CSMD1: variants seen among roughly 807,000 people sequenced by gnomAD.
CSMD1 encodes CUB and sushi domain-containing protein 1.
A neutral mutation model predicts 417.5 loss-of-function variants in CSMD1; 213 were observed. The observed-to-expected ratio is 0.51, with a 90% CI of 0.46 to 0.57. CSMD1 has a LOEUF of 0.57. Ranked by LOEUF, CSMD1 falls within the 20% of genes least tolerant of loss-of-function variation. The probability of loss-of-function intolerance (pLI) is 0.00; values close to 1 mark genes in which losing one functional copy is unlikely to be tolerated. For synonymous variants in CSMD1, 2,862 were observed against 1,736.8 expected (o/e 1.65, Z -16.11); for missense variants, 6,923 against 4,529.7 (o/e 1.53, Z -15.17).
At chr8:4,568,509 C>T (rs1414866024) in intron 2 of CSMD1, among the ~76,000 whole-genome samples, 1 of 152,068 alleles carries the variant, frequency 6.6e-6, no homozygotes, top group Admixed American at 6.6e-5. Context: ...TTTTCTTTAT[C>T]CAGTCTATCA....
At chr8:3,603,326 A>T (rs569201804) in intron 8 of CSMD1, among the ~76,000 whole-genome samples, 113 of 152,136 alleles carry the variant, frequency 7.4e-4, no homozygotes, top group African/African-American at 2.5e-3. Flanking sequence ...GTTCCTTAAA[A>T]TTTTTTTTAA....
chr8:3,745,311 T>C (rs1204421851), intron 6 of CSMD1, among the ~76,000 whole-genome samples: 1 of 152,182 alleles, frequency 6.6e-6, no homozygotes, highest in African/African-American at 2.4e-5. Flanking sequence ...TGGTCAGCTC[T>C]GCAAGAACCT....
intron 9 of CSMD1, among the ~76,000 whole-genome samples, chr8:3,576,625 T>C (rs1016057137): frequency 2.0e-5 from 3 of 152,172 alleles, no homozygotes; most frequent in Non-Finnish European, 4.4e-5. Context: ...AAAACAAACA[T>C]GGGTAAAACA....
intron 11 of CSMD1, among the ~76,000 whole-genome samples, chr8:3,476,936 G>C: frequency 7.2e-6 from 1 of 137,958 alleles, no homozygotes. Context: ...AAAAAAATGT[G>C]AATCAGTAAG....
chr8:3,104,317 T>C (rs1815971414), intron 46 of CSMD1, among the ~76,000 whole-genome samples: 1 of 152,208 alleles, frequency 6.6e-6, no homozygotes, highest in South Asian at 2.1e-4. Flanking sequence ...ACGTTGGCTT[T>C]CTTCTAAGAA....
chr8:3,606,399 C>T lies in CSMD1; in HGVS notation c.1097+10311G>A, dbSNP rs376213663. On this transcript the variant is annotated intron_variant, in intron 8 of 69. Coordinates refer to ENST00000635120, the MANE Select transcript of CSMD1 (RefSeq NM_033225.6). Reference sequence around the variant, plus strand: ...ATGTTACTGTACTGAGTACTGTAGGCAATTGAACACAATGGTAAGTGTTCG... The same window carrying T: ...ATGTTACTGTACTGAGTACTGTAGGTAATTGAACACAATGGTAAGTGTTCG... Among the ~76,000 whole-genome samples, 4 of 152,166 alleles carry T rather than the reference C, an allele frequency of 2.6e-5. No individual in the cohort carries two copies. The East Asian group carries it at 7.8e-4, about 29-fold the overall frequency.
At chr8:3,301,677 A>C (rs139614719) in intron 25 of CSMD1, among the ~76,000 whole-genome samples, 1 of 152,318 alleles carries the variant, frequency 6.6e-6, no homozygotes, top group African/African-American at 2.4e-5. Context: ...GAAAGTATCC[A>C]TGAGCAGCCA....
intron 3 of CSMD1, among the ~76,000 whole-genome samples, chr8:4,160,112 A>AC (rs11427922): frequency 0.98 from 149,557 of 151,878 alleles, 73,683 homozygotes; most frequent in East Asian, 1. Flanking sequence ...AGCACTGAGG[A>AC]CATTAAAAAA....
intron 3 of CSMD1, among the ~76,000 whole-genome samples, chr8:4,068,949 T>C (rs916801375): frequency 6.6e-5 from 10 of 152,188 alleles, no homozygotes; most frequent in African/African-American, 2.4e-4. Flanking sequence ...TTAGCAAAAT[T>C]TACAATTTAA....
intron 3 of CSMD1, among the ~76,000 whole-genome samples, chr8:4,060,513 C>G (rs1235802934): frequency 3.3e-5 from 5 of 152,066 alleles, no homozygotes; most frequent in African/African-American, 7.2e-5. Context: ...AATAGAAAAA[C>G]AAAGGGGATG....
rs1554442170 is a variant in CSMD1, at chr8:3,494,565, T to TAGAC, written c.1345-840_1345-839insGTCT. 4.7e-5 allele frequency among the ~76,000 whole-genome samples: 5 copies of TAGAC among 106,334 alleles called. No homozygotes were observed. In the South Asian group the frequency reaches 1.2e-3, roughly 25 times the overall value. The allele number at this position is 106,334 out of a possible 152,430, so 69.8% of individuals were successfully genotyped here. ...ACAGACAGATTAGATGATAGATAGA[T>TAGAC]AGATAGATAGATAGATAGATAGATA... is the stretch of plus-strand genomic sequence containing the variant. On this transcript the variant is annotated intron_variant, in intron 10 of 69. Transcript: ENST00000635120.
intron 10 of CSMD1, among the ~76,000 whole-genome samples, chr8:3,530,240 A>G (rs1442412915): frequency 6.6e-6 from 1 of 152,118 alleles, no homozygotes; most frequent in Admixed American, 6.5e-5. Context: ...ATAGCTCTTT[A>G]AAATATATTA....
intron 2 of CSMD1, among the ~76,000 whole-genome samples, chr8:4,566,068 T>G (rs1377042946): frequency 2.0e-5 from 3 of 152,104 alleles, no homozygotes; most frequent in African/African-American, 7.2e-5. Context: ...TGAGATATAT[T>G]AACTCTGTTC....
intron 20 of CSMD1, among the ~76,000 whole-genome samples, chr8:3,360,576 T>C (rs1054891704): frequency 4.6e-5 from 7 of 152,184 alleles, no homozygotes; most frequent in East Asian, 3.9e-4. Flanking sequence ...TGCTTAGGTA[T>C]TGGAATGGTA....
chr8:3,795,845 AGATATATAT>A (rs1291375835), intron 5 of CSMD1, among the ~76,000 whole-genome samples: 1 of 69,680 alleles, frequency 1.4e-5, no homozygotes, highest in Non-Finnish European at 3.1e-5. Context: ...GTACAGATAT[AGATATATAT>A]CTATCATGTA....
intron 5 of CSMD1, among the ~76,000 whole-genome samples, chr8:3,764,678 G>C (rs894796601): frequency 6.6e-6 from 1 of 151,700 alleles, no homozygotes; most frequent in South Asian, 2.1e-4. Flanking sequence ...TCATTATCTA[G>C]AGCAGTAATC....
In CSMD1 at chr8:3,309,458, C is replaced by G. The variant is rs1805154785; in HGVS notation, c.3632-955G>C. On this transcript the variant is annotated intron_variant, in intron 23 of 69. Transcript: ENST00000635120. Reference sequence around the variant, plus strand: ...ATTATAATGACCTCATCAAAATAAGCTCTTAAACTCAAAGAAATAGATGAC... The same window carrying G: ...ATTATAATGACCTCATCAAAATAAGGTCTTAAACTCAAAGAAATAGATGAC... Among the ~76,000 whole-genome samples, 2 of 141,726 alleles carry G rather than the reference C, an allele frequency of 1.4e-5. 1 individual carries two copies. Among genetic ancestry groups the G allele is most frequent in the South Asian group, 4.8e-4 (2 of 4,196 alleles). The allele number at this position is 141,726 out of a possible 152,430, so 93.0% of individuals were successfully genotyped here. A position where few individuals can be genotyped will look rare whatever the true frequency, so the allele number is the denominator to read the frequency against.
rs1799765932 is a variant in CSMD1, at chr8:3,567,526, TG to T, written c.1344+7418del. Among the ~76,000 whole-genome samples, 6 of 49,006 alleles carry T rather than the reference TG, an allele frequency of 1.2e-4. No homozygotes were observed. In the South Asian group the frequency reaches 4.6e-3, roughly 38 times the overall value. The allele number at this position is 49,006 out of a possible 152,430, so 32.1% of individuals were successfully genotyped here. ...GGAAGGGAGGGGAGGGGGAAGGGGA[TG>T]GGGGAGGGGAAAGAGAAAGGGAAGG... On this transcript the variant is annotated intron_variant, in intron 10 of 69. Coordinates refer to ENST00000635120, the MANE Select transcript of CSMD1 (RefSeq NM_033225.6).
chr8:3,040,380 A>G (rs1811003030), intron 50 of CSMD1, among the ~76,000 whole-genome samples: 1 of 101,944 alleles, frequency 9.8e-6, no homozygotes, highest in African/African-American at 3.7e-5. Flanking sequence ...TAGCATATAC[A>G]CATTGAAATA....
Sources: gnomAD v4.1 joint callset for allele counts (sites outside exome capture counted in the v4.1 genomes callset) on GRCh38, gnomAD v4.1.1 for gene constraint, MANE v1.5 for transcripts, NCBI Gene and HGNC (gene_info 2026-07-23, HGNC 2026-07-21) for gene names.